LUZP2: variants seen among roughly 807,000 people sequenced by gnomAD.
LUZP2 encodes leucine zipper protein 2.
Under a neutral mutation model 51.6 loss-of-function variants are expected in LUZP2, and 52 were observed. The ratio of observed to expected loss-of-function variants is 1.01; its 90% CI spans 0.81 to 1.27. The LOEUF is 1.27. LUZP2 is among the 50% of genes most tolerant of loss of function. LUZP2 has a pLI of 0.00. For missense variants in LUZP2, 436 were observed against 395.4 expected (o/e 1.10, Z -0.87); for synonymous variants, 154 against 137.3 (o/e 1.12, Z -0.85).
intron 1 of LUZP2, among the ~76,000 whole-genome samples, chr11:24,602,178 G>GTGTATATGTATATA (rs1565020659): frequency 2.7e-4 from 30 of 111,986 alleles, no homozygotes; most frequent in Admixed American, 4.2e-4. Flanking sequence ...GTATATATAT[G>GTGTATATGTATATA]TGTATATATG....
chr11:24,802,331 G>C (rs1168482620), intron 5 of LUZP2, among the ~76,000 whole-genome samples: 1 of 151,806 alleles, frequency 6.6e-6, no homozygotes, highest in Non-Finnish European at 1.5e-5. Flanking sequence ...TAGGTATTTG[G>C]GTAGCTTCCA....
intron 1 of LUZP2, among the ~76,000 whole-genome samples, chr11:24,634,410 G>GTTTAT (rs1855002732): frequency 6.6e-6 from 1 of 151,970 alleles, no homozygotes; most frequent in South Asian, 2.1e-4. Flanking sequence ...GGTCCACATA[G>GTTTAT]TTTATTTTCA....
intron 1 of LUZP2, among the ~76,000 whole-genome samples, chr11:24,698,366 G>A (rs1301953761): frequency 6.6e-6 from 1 of 152,118 alleles, no homozygotes; most frequent in Non-Finnish European, 1.5e-5. Flanking sequence ...TAGGACCTTT[G>A]TTCCTAATTG....
At chr11:24,637,945 T>G (rs1001725810) in intron 1 of LUZP2, among the ~76,000 whole-genome samples, 25 of 151,850 alleles carry the variant, frequency 1.6e-4, no homozygotes, top group Non-Finnish European at 2.6e-4. Context: ...AAAAACTTAC[T>G]GGTTTTGCAG....
chr11:24,909,916 A>T (rs1853571736), intron 6 of LUZP2, among the ~76,000 whole-genome samples: 1 of 152,110 alleles, frequency 6.6e-6, no homozygotes, highest in Non-Finnish European at 1.5e-5. Flanking sequence ...GAGAGCTCAG[A>T]AAAAAACAAG....
chr11:24,751,658 C>T lies in LUZP2; in HGVS notation c.334-11588C>T, dbSNP rs1328012818. The T allele has an allele frequency of 4.3e-6, 3 of 701,176 alleles. No individual in the cohort carries two copies. In the East Asian group the frequency reaches 4.2e-4, roughly 98 times the overall value. 43.4% of individuals were successfully genotyped at this position (701,176 alleles called of 1,614,324 possible). A position where few individuals can be genotyped will look rare whatever the true frequency, so the allele number is the denominator to read the frequency against. On this transcript the variant is annotated intron_variant, in intron 4 of 11. Coordinates refer to ENST00000336930, the MANE Select transcript of LUZP2 (RefSeq NM_001009909.4). ...TTCATTTTCTCCCCAGGACAGCAGC[C>T]ATCATTGGCCCTTTTCCTGTACCCA...
intron 9 of LUZP2, among the ~76,000 whole-genome samples, chr11:24,984,082 G>A (rs1856119148): frequency 6.6e-6 from 1 of 151,788 alleles, no homozygotes; most frequent in South Asian, 2.1e-4. Context: ...GTTTTGGGCA[G>A]TATGTTGGAA....
intron 5 of LUZP2, among the ~76,000 whole-genome samples, chr11:24,826,209 A>ATATATATATATATAT (rs1564948185): frequency 7.1e-6 from 1 of 141,822 alleles, no homozygotes; most frequent in African/African-American, 2.6e-5. Flanking sequence ...ATATATATAT[A>ATATATATATATATAT]GTAAAAGTTA....
At chr11:24,745,763 C>T (rs1413247280) in intron 4 of LUZP2, among the ~76,000 whole-genome samples, 4 of 152,048 alleles carry the variant, frequency 2.6e-5, no homozygotes, top group Non-Finnish European at 4.4e-5. Context: ...CTGCAACCTC[C>T]ACCTCCTGGG....
intron 8 of LUZP2, among the ~76,000 whole-genome samples, chr11:24,978,688 A>G (rs1855944758): frequency 6.6e-6 from 1 of 151,772 alleles, no homozygotes; most frequent in Non-Finnish European, 1.5e-5. Flanking sequence ...AGCACTAACA[A>G]TTAGGGAATA....
intron 10 of LUZP2, among the ~76,000 whole-genome samples, chr11:25,060,379 C>T (rs2134038277): frequency 6.6e-6 from 1 of 152,184 alleles, no homozygotes; most frequent in South Asian, 2.1e-4. Context: ...TATAAGGGCA[C>T]TAGTACCATT....
intron 1 of LUZP2, among the ~76,000 whole-genome samples, chr11:24,692,303 C>T (rs941355173): frequency 2.6e-5 from 4 of 151,886 alleles, no homozygotes; most frequent in African/African-American, 4.8e-5. Context: ...GAAAAATGGC[C>T]GTATCAGGTT....
chr11:24,965,843 T>A (rs1048193672), intron 7 of LUZP2, among the ~76,000 whole-genome samples: 1 of 151,776 alleles, frequency 6.6e-6, no homozygotes, highest in Non-Finnish European at 1.5e-5. Context: ...TTACTATAGA[T>A]AGCACCCAAG....
chr11:24,616,712 A>G (rs1261200561), intron 1 of LUZP2, among the ~76,000 whole-genome samples: 1 of 152,148 alleles, frequency 6.6e-6, no homozygotes, highest in East Asian at 1.9e-4. Context: ...GTAGCTGTAT[A>G]TTAAGTCTGG....
intron 9 of LUZP2, among the ~76,000 whole-genome samples, chr11:25,019,158 T>C (rs1201035106): frequency 6.6e-6 from 1 of 152,204 alleles, no homozygotes; most frequent in African/African-American, 2.4e-5. Context: ...TCCATGACTT[T>C]TGACAATTTT....
At chr11:24,729,008 T>C in intron 1 of LUZP2, 161 bp from the exon 2 acceptor site, 1 of 423,908 alleles carries the variant, frequency 2.4e-6, no homozygotes, top group Non-Finnish European at 4.3e-6. Flanking sequence ...AAATGGGGTT[T>C]TCAATTTTCC....
intron 7 of LUZP2, among the ~76,000 whole-genome samples, chr11:24,948,610 A>T (rs979977110): frequency 2.0e-5 from 3 of 151,760 alleles, no homozygotes; most frequent in African/African-American, 7.2e-5. Context: ...ACAGTATATG[A>T]TATGACAACA....
intron 7 of LUZP2, among the ~76,000 whole-genome samples, chr11:24,964,952 G>C (rs144151117): frequency 1.3e-5 from 2 of 151,782 alleles, no homozygotes; most frequent in African/African-American, 4.8e-5. Context: ...GTAAGTAAAA[G>C]TTTCAGACAT....
At chr11:24,578,465 G>C (rs939124547) in intron 1 of LUZP2, among the ~76,000 whole-genome samples, 2 of 151,880 alleles carry the variant, frequency 1.3e-5, no homozygotes, top group African/African-American at 4.8e-5. Flanking sequence ...AACTTGGTTT[G>C]TCTAATTCCA....
Sources: allele counts gnomAD v4.1 joint callset (sites outside exome capture counted in the v4.1 genomes callset), GRCh38; gene constraint gnomAD v4.1.1; transcripts MANE v1.5; gene names NCBI Gene and HGNC (gene_info 2026-07-23, HGNC 2026-07-21).